Variants in THOC2 observed in about 807,000 individuals in gnomAD.
The protein encoded by THOC2 is THO complex subunit 2, also known as THO complex 2.
In THOC2, 10 loss-of-function variants were observed where a neutral mutation model predicts 128.4. The observed-to-expected ratio is 0.08, with a 90% CI of 0.05 to 0.13. The LOEUF is 0.13. THOC2 is among the 10% of genes least tolerant of loss of function. The pLI is 1.00. For missense variants in THOC2, 535 were observed against 1,155.7 expected, an observed-to-expected ratio of 0.46 and a Z score of 7.79; for synonymous variants, 393 against 396.9, an observed-to-expected ratio of 0.99 and a Z score of 0.12.
intron 1 of THOC2, among the ~76,000 whole-genome samples, chrX:123,713,893 G>A (rs750592721): frequency 1.8e-5 from 2 of 109,522 alleles, no homozygotes; most frequent in East Asian, 5.7e-4. Flanking sequence ...CTATGAAGTT[G>A]TCTTTAGGGG....
chrX:123,689,369 A>G (rs1320607008), intron 7 of THOC2, among the ~76,000 whole-genome samples: 2 of 112,237 alleles, frequency 1.8e-5, no homozygotes, highest in African/African-American at 6.5e-5. Context: ...CGTAAGTCCA[A>G]TTAATTTTAT....
chrX:123,730,100 G>A (rs1049086454), intron 1 of THOC2, among the ~76,000 whole-genome samples: 58 of 111,181 alleles, frequency 5.2e-4, no homozygotes, highest in African/African-American at 1.9e-3. Flanking sequence ...CATTCCACAA[G>A]TCATGCAATA....
chrX:123,709,423 C>A (rs1018177567), intron 2 of THOC2, among the ~76,000 whole-genome samples: 2 of 110,163 alleles, frequency 1.8e-5, no homozygotes, highest in Non-Finnish European at 3.8e-5. Flanking sequence ...AACCCCGTCT[C>A]TACTAAAAAT....
intron 2 of THOC2, 36 bp from the exon 3 acceptor site, chrX:123,706,985 T>A: frequency 1.4e-6 from 1 of 709,035 alleles, no homozygotes; most frequent in Non-Finnish European, 2.0e-6. Context: ...AAGGATACAG[T>A]CTCTTGAACA....
chrX:123,655,480 T>TACATAATAAA (rs1729345060), intron 12 of THOC2, among the ~76,000 whole-genome samples: 1 of 111,853 alleles, frequency 8.9e-6, no homozygotes, highest in Non-Finnish European at 1.9e-5. Flanking sequence ...TTATGAAAAA[T>TACATAATAAA]TTCAAATTAC....
rs866532693 is a variant in THOC2, at chrX:123,638,764, T to A, written c.1840+170A>T. Among the ~76,000 whole-genome samples the A allele has an allele frequency of 7.0e-5, 7 of 100,585 alleles. No individual in the cohort carries two copies. The highest frequency in any genetic ancestry group is 3.0e-4 in the East Asian group (1 of 3,337). 87.3% of individuals were successfully genotyped at this position (100,585 alleles called of 115,157 possible). On this transcript the variant is annotated intron_variant, in intron 17 of 38. Transcript: ENST00000245838. ...CACACACACACACTCTCTCTCTCTC[T>A]CACATACACACACACACACACACAC...
rs762577099 is a variant in THOC2, at chrX:123,652,195, A to C, written c.1387-6820T>G. Among the ~76,000 whole-genome samples, 7 of 112,092 alleles carry C rather than the reference A, an allele frequency of 6.2e-5. No homozygotes were observed. The South Asian group carries it at 2.6e-3, about 42-fold the overall frequency. On this transcript the variant is annotated intron_variant, in intron 12 of 38. Transcript: ENST00000245838. ...ATGACAAAAACTACCTGATTATCTC[A>C]ATAGATGCAGAAAAGGCCTTCGAGA...
Position 123,665,808 on chromosome X carries a change from G to A in THOC2, c.1220C>T (p.Ser407Leu). The A allele has an allele frequency of 2.6e-6, 3 of 1,176,160 alleles. No homozygotes were observed. The highest frequency in any genetic ancestry group is 3.4e-6 in the Non-Finnish European group (3 of 877,210). ...RVGVPKGAKGSPVNALQNKRA... is the reference protein window; with the variant it reads ...RVGVPKGAKGLPVNALQNKRA... Reference sequence around the variant, plus strand: ...CTTGTTTTGCAAAGCATTAACAGGTGAGCCTTTAGCACCTTTAGGAACTCC... The same window carrying A: ...CTTGTTTTGCAAAGCATTAACAGGTAAGCCTTTAGCACCTTTAGGAACTCC... The change falls in exon 12 of 39, where the codon TCA becomes TTA. Residue 407 changes from serine (S) to leucine (L), a missense_variant. Around this residue, in one of 9 missense-constraint regions of THOC2, gnomAD observed 197 missense variants for 313.4 expected, o/e 0.63. Transcript: ENST00000245838.
At chrX:123,615,009 T>C (rs1161431838) in intron 33 of THOC2, among the ~76,000 whole-genome samples, 2 of 111,863 alleles carry the variant, frequency 1.8e-5, no homozygotes, top group Non-Finnish European at 3.8e-5. Context: ...CTTAGGTGAG[T>C]TGTAAATATG....
At chrX:123,650,776 C>T (rs1026265395) in intron 12 of THOC2, among the ~76,000 whole-genome samples, 1 of 111,921 alleles carries the variant, frequency 8.9e-6, no homozygotes, top group African/African-American at 3.3e-5. Context: ...AATATATATG[C>T]GCCCAATACA....
At chrX:123,661,958 A>G (rs1379686710) in intron 12 of THOC2, among the ~76,000 whole-genome samples, 2 of 111,077 alleles carry the variant, frequency 1.8e-5, no homozygotes, top group Non-Finnish European at 3.8e-5. Flanking sequence ...TGCCACTTAC[A>G]CTCCAGCCTT....
At chrX:123,651,732 C>T (rs185654652) in intron 12 of THOC2, among the ~76,000 whole-genome samples, 133 of 106,990 alleles carry the variant, frequency 1.2e-3, no homozygotes, top group African/African-American at 4.2e-3. Flanking sequence ...TACGCCCCCC[C>T]CCCAAGACTA....
At chrX:123,670,813 G>C (rs946878305) in intron 9 of THOC2, among the ~76,000 whole-genome samples, 2 of 111,841 alleles carry the variant, frequency 1.8e-5, no homozygotes, top group African/African-American at 6.5e-5. Flanking sequence ...ATCTCCAATA[G>C]AGTACCTATT....
At chrX:123,658,616 C>CAGA (rs1452952332) in intron 12 of THOC2, among the ~76,000 whole-genome samples, 3 of 112,617 alleles carry the variant, frequency 2.7e-5, no homozygotes, top group Non-Finnish European at 5.6e-5. Context: ...TACATACTAT[C>CAGA]TGATTCCAAC....
chrX:123,645,310 T>A, intron 13 of THOC2, 24 bp downstream of exon 13: 1 of 1,084,476 alleles, frequency 9.2e-7, no homozygotes. Context: ...TTAGACACAT[T>A]ATTGGATTTT....
Position 123,638,950 on chromosome X carries a change from A to G in THOC2, c.1824T>C (p.Asn608=), listed in dbSNP as rs762489644. Residue 608 remains asparagine (N), a synonymous_variant, in exon 17 of 39, where the codon AAT becomes AAC. Transcript: ENST00000245838. ...VDSLKYLTSL[N]YDVLAYCIIE... ...AAAGGATACAGGCCAAGACATCATA[A>G]TTCAGTGAAGTGAGGTATTTCAATG... The G allele has an allele frequency of 8.6e-7, 1 of 1,161,374 alleles. No homozygotes were observed. The highest frequency in any genetic ancestry group is 1.9e-5 in the South Asian group (1 of 52,938).
chrX:123,665,027 T>A (rs979981792), intron 12 of THOC2, among the ~76,000 whole-genome samples: 3 of 111,636 alleles, frequency 2.7e-5, no homozygotes, highest in African/African-American at 9.8e-5. Flanking sequence ...CAGCCACTTG[T>A]CTGAAGTATA....
intron 3 of THOC2, among the ~76,000 whole-genome samples, chrX:123,704,284 T>C (rs944292319): frequency 2.7e-5 from 3 of 112,043 alleles, no homozygotes; most frequent in Admixed American, 1.9e-4. Context: ...AAAATCATAA[T>C]GGTATCAGAA....
Position 123,693,452 on chromosome X carries a change from C to T in THOC2, c.601+2569G>A, listed in dbSNP as rs756315048. 1.3e-4 allele frequency among the ~76,000 whole-genome samples: 14 copies of T among 111,815 alleles called. No homozygotes were observed. In the Admixed American group the frequency reaches 1.3e-3, roughly 11 times the overall value. ...CTGCACTCTAGCCTGGGCAACAAAG[C>T]AAGACTCTGTCTCAAAAAAATAAAA... On this transcript the variant is annotated intron_variant, in intron 7 of 38. Coordinates refer to ENST00000245838, the MANE Select transcript of THOC2 (RefSeq NM_001081550.2).
Sources: allele counts gnomAD v4.1 joint callset (sites outside exome capture counted in the v4.1 genomes callset), GRCh38; gene constraint gnomAD v4.1.1; regional missense constraint gnomAD v4.1.1; transcripts MANE v1.5; gene names NCBI Gene and HGNC (gene_info 2026-07-23, HGNC 2026-07-21).